Variants in ATAD1 observed in about 807,000 individuals in gnomAD.
ATAD1 encodes outer mitochondrial transmembrane helix translocase.
A neutral mutation model predicts 42.7 loss-of-function variants in ATAD1; 18 were observed. The observed-to-expected ratio is 0.42, with a 90% CI of 0.29 to 0.63. The LOEUF is 0.63. Ranked by LOEUF, ATAD1 falls within the 20% of genes least tolerant of loss-of-function variation. The pLI is 0.19. For synonymous variants in ATAD1, 132 were observed against 143.1 expected (o/e 0.92, Z 0.55); for missense variants, 294 against 440.4 (o/e 0.67, Z 2.98).
At chr10:87,763,642 T>TA (rs1247024160) in intron 8 of ATAD1, among the ~76,000 whole-genome samples, 5 of 151,956 alleles carry the variant, frequency 3.3e-5, no homozygotes, top group Admixed American at 1.3e-4. Context: ...CACAGCACTT[T>TA]AGCCTGGGTA....
In ATAD1 at chr10:87,775,490, A is replaced by C. The variant is rs532200369; in HGVS notation, c.690+831T>G. Reference sequence around the variant, plus strand: ...ACAAAAGAACACTGTTAACTTTTCCATGAGATATAAGTAAGTGATTCATTA... The same window carrying C: ...ACAAAAGAACACTGTTAACTTTTCCCTGAGATATAAGTAAGTGATTCATTA... On this transcript the variant is annotated intron_variant, in intron 6 of 9. Coordinates refer to ENST00000680024, the MANE Select transcript of ATAD1 (RefSeq NM_001321967.2). Among the ~76,000 whole-genome samples, 252 of 146,808 alleles carry C rather than the reference A, an allele frequency of 1.7e-3. 2 individuals carry two copies. The highest frequency in any genetic ancestry group is 5.9e-3 in the African/African-American group (233 of 39,652).
At chr10:87,790,539 A>G in intron 3 of ATAD1, 109 bp from the exon 4 acceptor site, 2 of 1,149,100 alleles carry the variant, frequency 1.7e-6, no homozygotes, top group Non-Finnish European at 2.3e-6. Context: ...TACATAAATA[A>G]GTTAAAATCA....
chr10:87,798,496 T>A (rs1192767957), intron 2 of ATAD1, among the ~76,000 whole-genome samples: 2 of 152,050 alleles, frequency 1.3e-5, no homozygotes, highest in Non-Finnish European at 2.9e-5. Flanking sequence ...CTGCTTTGAA[T>A]CTGCTGTTAT....
At chr10:87,782,826 G>C (rs554215653) in intron 5 of ATAD1, among the ~76,000 whole-genome samples, 1 of 151,844 alleles carries the variant, frequency 6.6e-6, no homozygotes, top group African/African-American at 2.4e-5. Context: ...GTGAGACTTC[G>C]TCTCTACAAA....
At chr10:87,777,675 T>A (rs1855371229) in intron 5 of ATAD1, among the ~76,000 whole-genome samples, 1 of 152,178 alleles carries the variant, frequency 6.6e-6, no homozygotes, top group African/African-American at 2.4e-5. Context: ...TATATCCCTA[T>A]AAATCACTTT....
intron 1 of ATAD1, among the ~76,000 whole-genome samples, chr10:87,835,507 A>G (rs1857914308): frequency 6.6e-6 from 1 of 152,114 alleles, no homozygotes; most frequent in Non-Finnish European, 1.5e-5. Context: ...CACATGGCAT[A>G]TATTTTTCTA....
At chr10:87,829,706 G>A (rs767403613) in intron 1 of ATAD1, among the ~76,000 whole-genome samples, 3 of 152,154 alleles carry the variant, frequency 2.0e-5, no homozygotes, top group Non-Finnish European at 4.4e-5. Context: ...TGCAGATGTG[G>A]TATAAATAGC....
chr10:87,790,559 A>G (rs1404139161), intron 3 of ATAD1, 129 bp from the exon 4 acceptor site: 20 of 978,000 alleles, frequency 2.0e-5, no homozygotes, highest in East Asian at 6.1e-5. Flanking sequence ...ATATATTAAC[A>G]TAAGTAAAGA....
At chr10:87,785,699 T>G (rs570290215) in intron 4 of ATAD1, among the ~76,000 whole-genome samples, 7 of 151,272 alleles carry the variant, frequency 4.6e-5, no homozygotes, top group Admixed American at 4.6e-4. Flanking sequence ...AAAATAATTT[T>G]GTATGAAAAT....
At chr10:87,822,590 A>T (rs913958538), upstream of ATAD1, among the ~76,000 whole-genome samples, 2 of 152,180 alleles carry the variant, frequency 1.3e-5, no homozygotes, top group African/African-American at 4.8e-5. Context: ...AAAACAGTTG[A>T]ACTCATGGAG....
intron 1 of ATAD1, among the ~76,000 whole-genome samples, chr10:87,835,465 A>G (rs1857913884): frequency 1.3e-5 from 2 of 152,156 alleles, no homozygotes; most frequent in African/African-American, 2.4e-5. Flanking sequence ...TGATAGTAAT[A>G]TAACTATTCT....
intron 1 of ATAD1, among the ~76,000 whole-genome samples, chr10:87,829,056 C>G (rs1857779630): frequency 6.6e-6 from 1 of 152,082 alleles, no homozygotes; most frequent in African/African-American, 2.4e-5. Context: ...GTTTACATGC[C>G]TACTAACACA....
intron 8 of ATAD1, among the ~76,000 whole-genome samples, chr10:87,761,479 T>G (rs1854481046): frequency 6.6e-6 from 1 of 152,022 alleles, no homozygotes. Context: ...CTGGGCAACA[T>G]GGCGAAACCC....
At chr10:87,755,412 G>C (rs1228720003) in intron 9 of ATAD1, among the ~76,000 whole-genome samples, 4 of 151,968 alleles carry the variant, frequency 2.6e-5, no homozygotes, top group Non-Finnish European at 4.4e-5. Context: ...TATAACCCAA[G>C]TCCATCCAGA....
At chr10:87,787,622 G>A (rs1855900615) in intron 4 of ATAD1, among the ~76,000 whole-genome samples, 1 of 151,854 alleles carries the variant, frequency 6.6e-6, no homozygotes, top group Admixed American at 6.6e-5. Flanking sequence ...AAAAGGATAA[G>A]AACAAAAAAA....
At chr10:87,785,980 A>G (rs1335332113) in intron 4 of ATAD1, among the ~76,000 whole-genome samples, 3 of 152,194 alleles carry the variant, frequency 2.0e-5, no homozygotes, top group African/African-American at 7.2e-5. Context: ...TTGTATTTTC[A>G]AGCATTCTGC....
chr10:87,810,941 G>A (rs958531961), intron 2 of ATAD1, among the ~76,000 whole-genome samples: 1 of 152,130 alleles, frequency 6.6e-6, no homozygotes, highest in Non-Finnish European at 1.5e-5. Context: ...ATTCTCTCAA[G>A]GTAAAGGCTG....
chr10:87,766,433 A>G (rs886259240), intron 8 of ATAD1, among the ~76,000 whole-genome samples: 1 of 152,218 alleles, frequency 6.6e-6, no homozygotes, highest in Non-Finnish European at 1.5e-5. Flanking sequence ...AAAGAGAGAC[A>G]ACAGAATAAG....
At chr10:87,791,198 C>A in intron 3 of ATAD1, among the ~76,000 whole-genome samples, 1 of 125,702 alleles carries the variant, frequency 8.0e-6, no homozygotes, top group African/African-American at 3.3e-5. Flanking sequence ...GAGTGAGACT[C>A]TGTCTCAAAA....
Sources: gnomAD v4.1 joint callset for allele counts (sites outside exome capture counted in the v4.1 genomes callset) on GRCh38, gnomAD v4.1.1 for gene constraint, MANE v1.5 for transcripts, NCBI Gene and HGNC (gene_info 2026-07-23, HGNC 2026-07-21) for gene names.